XPO6: variants seen among roughly 807,000 people sequenced by gnomAD.
XPO6 encodes exportin 6.
In XPO6, 3 loss-of-function variants were observed where a neutral mutation model predicts 130.0. That is an observed-to-expected ratio of 0.02 (90% confidence interval 0.01 to 0.06). The LOEUF is 0.06. Among genes scored for constraint, XPO6 ranks in the 10% least tolerant of loss-of-function variants. The pLI, the probability that XPO6 is intolerant of heterozygous loss-of-function variation, is 1.00. For missense variants in XPO6, 970 were observed against 1,393.0 expected, an observed-to-expected ratio of 0.70 and a Z score of 4.83; for synonymous variants, 524 against 548.9, an observed-to-expected ratio of 0.95 and a Z score of 0.63.
At chr16:28,189,059 C>T (rs1398630612) in intron 1 of XPO6, among the ~76,000 whole-genome samples, 2 of 152,054 alleles carry the variant, frequency 1.3e-5, no homozygotes, top group Non-Finnish European at 2.9e-5. Flanking sequence ...TATCCTTCTA[C>T]CTCAGCCTCC....
chr16:28,135,641 T>C (rs2042760867), intron 9 of XPO6, among the ~76,000 whole-genome samples: 1 of 152,230 alleles, frequency 6.6e-6, no homozygotes, highest in African/African-American at 2.4e-5. Context: ...CCGAGCTTTC[T>C]TTTGGCTACT....
intron 7 of XPO6, chr16:28,153,171 C>G: frequency 9.8e-7 from 1 of 1,018,958 alleles, no homozygotes. Flanking sequence ...GGCCAAAATA[C>G]TAAAGTGAAT....
intron 1 of XPO6, chr16:28,181,268 C>A: frequency 2.4e-6 from 1 of 415,628 alleles, no homozygotes; most frequent in Non-Finnish European, 4.3e-6. Flanking sequence ...AGCTGATTTT[C>A]AATTATGTAT....
chr16:28,112,873 TGGGGACCCCG>T (rs765515148), intron 16 of XPO6, 21 bp downstream of exon 16: 3 of 1,605,200 alleles, frequency 1.9e-6, no homozygotes, highest in Non-Finnish European at 2.6e-6. Context: ...CACACAGCCC[TGGGGACCCCG>T]GGGGAGCTCT....
intron 12 of XPO6, among the ~76,000 whole-genome samples, chr16:28,127,705 C>T (rs1596829430): frequency 1.3e-5 from 2 of 152,156 alleles, no homozygotes; most frequent in Admixed American, 6.5e-5. Flanking sequence ...GGATGAGGCT[C>T]GCAACAGTGC....
intron 15 of XPO6, 38 bp downstream of exon 15, chr16:28,117,280 G>A (rs1246464066): frequency 6.2e-7 from 1 of 1,610,562 alleles, no homozygotes; most frequent in Non-Finnish European, 8.5e-7. Context: ...GAGAGACAGA[G>A]AGTTAGATAA....
intron 17 of XPO6, 71 bp from the exon 18 acceptor site, chr16:28,107,748 A>G: frequency 6.4e-7 from 1 of 1,563,864 alleles, no homozygotes; most frequent in Non-Finnish European, 8.7e-7. Flanking sequence ...GACACAAGGG[A>G]GAGGGAGGAA....
At chr16:28,206,159 C>T (rs1417880126) in intron 1 of XPO6, among the ~76,000 whole-genome samples, 1 of 151,596 alleles carries the variant, frequency 6.6e-6, no homozygotes, top group Non-Finnish European at 1.5e-5. Flanking sequence ...CACACACACA[C>T]ACACACACAT....
rs1441652193 is a variant in XPO6, at chr16:28,166,524, C to T, written c.627G>A (p.Pro209=). ...SVTAATPPPS[P]TSGESGDLLS... ...AGACCATACCACTTTCTCCTGAGGT[C>T]GGGGATGGTGGTGGAGTGGCAGCAG... Residue 209 remains proline, a synonymous_variant, in exon 6 of 24, where the codon CCG becomes CCA. Coordinates refer to ENST00000304658, the MANE Select transcript of XPO6 (RefSeq NM_015171.4). The T allele has an allele frequency of 4.4e-6, 7 of 1,591,188 alleles. No individual in the cohort carries two copies. The highest frequency in any genetic ancestry group is 2.3e-5 in the East Asian group (1 of 44,274).
intron 9 of XPO6, among the ~76,000 whole-genome samples, chr16:28,139,515 A>G (rs2042845832): frequency 6.6e-6 from 1 of 152,192 alleles, no homozygotes; most frequent in South Asian, 2.1e-4. Context: ...CTAATAGACT[A>G]CTTCTTTCTT....
intron 8 of XPO6, among the ~76,000 whole-genome samples, chr16:28,152,424 G>A (rs1189203428): frequency 6.6e-6 from 1 of 152,194 alleles, no homozygotes; most frequent in African/African-American, 2.4e-5. Flanking sequence ...CTAACTGTAT[G>A]ACTCTAAGCA....
chr16:28,200,064 G>A (rs549955096), intron 1 of XPO6, among the ~76,000 whole-genome samples: 2 of 152,060 alleles, frequency 1.3e-5, no homozygotes, highest in Non-Finnish European at 2.9e-5. Context: ...GCTGAGGCAG[G>A]AGAATCGCTT....
At chr16:28,145,508 A>C (rs756588715) in intron 9 of XPO6, among the ~76,000 whole-genome samples, 2 of 152,220 alleles carry the variant, frequency 1.3e-5, no homozygotes, top group Non-Finnish European at 1.5e-5. Flanking sequence ...AAAAGTGCAA[A>C]AGCAATTATC....
chr16:28,168,509 T>G (rs145648261), intron 5 of XPO6, among the ~76,000 whole-genome samples: 286 of 151,504 alleles, frequency 1.9e-3, no homozygotes, highest in African/African-American at 6.5e-3. Flanking sequence ...AAAAAAAAAG[T>G]GCTTTGAATG....
Position 28,111,830 on chromosome 16 carries a change from C to T in XPO6, c.2328G>A (p.Met776Ile), listed in dbSNP as rs758427183. 2.5e-6 allele frequency: 4 copies of T among 1,614,114 alleles called. No homozygotes were observed. The East Asian group carries it at 8.9e-5, about 36-fold the overall frequency. The change falls in exon 17 of 24, where the codon ATG becomes ATA. Residue 776 changes from methionine (M) to isoleucine (I), a missense_variant. This residue lies in a region of XPO6 where 936 missense variants were observed against 1,306.8 expected (regional missense o/e 0.72). Coordinates refer to ENST00000304658, the MANE Select transcript of XPO6 (RefSeq NM_015171.4). ...KPSAVAPQRK[M>I]PLDDTKLIIH... ...GGGGTCACTTACTGTCATCCAGTGG[C>T]ATCTTTCTCTGTGGGGCAACAGCAC...
Position 28,101,516 on chromosome 16 carries a change from C to A in XPO6, c.3218G>T (p.Cys1073Phe), listed in dbSNP as rs1175672309. Residue 1073 changes from cysteine to phenylalanine, a missense_variant, in exon 23 of 24, where the codon TGT becomes TTT. Physicochemically the swap from Cys to Phe is radical, Grantham distance 205 (BLOSUM62 -2). Around this residue, in one of 4 missense-constraint regions of XPO6, gnomAD observed 936 missense variants for 1,306.8 expected, o/e 0.72. Coordinates refer to ENST00000304658, the MANE Select transcript of XPO6 (RefSeq NM_015171.4). This position sits in a 1 kb window ranked among gnomAD's most constrained non-coding sequence, Gnocchi z 5.4. ...TTTCTGGTTGGCATCCACACCATCACAGCTGGTCAGGAACTCTGGGAGGAA... is the reference window on the plus strand; with the variant it reads ...TTTCTGGTTGGCATCCACACCATCAAAGCTGGTCAGGAACTCTGGGAGGAA... The part of the protein sequence containing the change: ...AAFLPEFLTS[C>F]DGVDANQKSV... 6 of 1,614,248 alleles carry A rather than the reference C, an allele frequency of 3.7e-6. No individual in the cohort carries two copies. Among genetic ancestry groups the A allele is most frequent in the Non-Finnish European group, 4.2e-6 (5 of 1,180,046 alleles).
intron 8 of XPO6, among the ~76,000 whole-genome samples, chr16:28,149,639 A>T (rs1429093749): frequency 6.6e-6 from 1 of 152,140 alleles, no homozygotes; most frequent in Non-Finnish European, 1.5e-5. Flanking sequence ...CACACTGCAC[A>T]GGTTTGTGGC....
chr16:28,197,090 A>T (rs923585732), intron 1 of XPO6, among the ~76,000 whole-genome samples: 1 of 152,158 alleles, frequency 6.6e-6, no homozygotes, highest in African/African-American at 2.4e-5. Flanking sequence ...CGTCTCTACT[A>T]AAAATACAAA....
intron 15 of XPO6, 148 bp from the exon 16 acceptor site, chr16:28,113,198 T>C: frequency 9.8e-7 from 1 of 1,025,300 alleles, no homozygotes; most frequent in South Asian, 1.8e-5. Context: ...TTTCCTATGA[T>C]GACTACAAGA....
Sources: allele counts gnomAD v4.1 joint callset (sites outside exome capture counted in the v4.1 genomes callset), GRCh38; gene constraint gnomAD v4.1.1; regional missense constraint gnomAD v4.1.1; non-coding constraint Gnocchi (gnomAD v3.1); transcripts MANE v1.5; gene names NCBI Gene and HGNC (gene_info 2026-07-23, HGNC 2026-07-21).